Variants in CDH13 observed in about 807,000 individuals in gnomAD.
The protein encoded by CDH13 is cadherin-13.
Under a neutral mutation model 63.8 loss-of-function variants are expected in CDH13, and 24 were observed. The observed-to-expected ratio is 0.38, with a 90% confidence interval of 0.27 to 0.53. CDH13 has a LOEUF of 0.53. Ranked by LOEUF, CDH13 falls within the 20% of genes least tolerant of loss-of-function variation. CDH13 has a pLI of 0.85. For synonymous variants in CDH13, 503 were observed against 355.3 expected, an observed-to-expected ratio of 1.42 and a Z score of -4.67; for missense variants, 1,049 against 903.1, an observed-to-expected ratio of 1.16 and a Z score of -2.07.
At chr16:83,309,124 G>T (rs188761735) in intron 5 of CDH13, among the ~76,000 whole-genome samples, 3 of 152,058 alleles carry the variant, frequency 2.0e-5, no homozygotes, top group Admixed American at 2.0e-4. Flanking sequence ...TGACTTTCCT[G>T]TTTCTTCTGC....
intron 2 of CDH13, among the ~76,000 whole-genome samples, chr16:83,025,987 C>T (rs933522228): frequency 1.4e-4 from 22 of 152,178 alleles, no homozygotes; most frequent in Non-Finnish European, 2.9e-4. Flanking sequence ...AATGCTCCTT[C>T]AGCATTTCTT....
rs570183933 is a variant in CDH13 at position 83,779,332 on chromosome 16, G to A, written c.1682-636G>A. The stretch of plus-strand genomic sequence containing the variant: ...TGAGGCAGGGGAATCGCTTGAACCC[G>A]GGAGGCGGAGGTTGCAGTGAGTCGA... On this transcript the variant is annotated intron_variant, in intron 11 of 13. Transcript: ENST00000567109. Among the ~76,000 whole-genome samples, 967 of 146,232 alleles carry A rather than the reference G, an allele frequency of 6.6e-3. 5 individuals are homozygous for A. Among genetic ancestry groups the A allele is most frequent in the Non-Finnish European group, 9.1e-3 (612 of 67,260 alleles).
chr16:83,145,264 T>C (rs905798346), intron 4 of CDH13, among the ~76,000 whole-genome samples: 2 of 152,194 alleles, frequency 1.3e-5, no homozygotes, highest in Admixed American at 6.5e-5. Context: ...CCAACTCCCC[T>C]GTTGGCTGCT....
chr16:83,375,451 C>T (rs551957842), intron 6 of CDH13, among the ~76,000 whole-genome samples: 1 of 152,286 alleles, frequency 6.6e-6, no homozygotes, highest in Non-Finnish European at 1.5e-5. Flanking sequence ...ATTCTGCTGA[C>T]ATCTTATGAG....
intron 5 of CDH13, among the ~76,000 whole-genome samples, chr16:83,337,187 T>C (rs1223017091): frequency 2.0e-5 from 3 of 152,360 alleles, no homozygotes; most frequent in African/African-American, 7.2e-5. Context: ...TTGTTTTGCG[T>C]ACTGTGACTT....
chr16:83,394,080 G>T (rs1477840744), intron 6 of CDH13, among the ~76,000 whole-genome samples: 1 of 152,026 alleles, frequency 6.6e-6, no homozygotes, highest in African/African-American at 2.4e-5. Context: ...ATGAACACTG[G>T]GTCCTACTTG....
At chr16:83,342,250 A>G (rs747977631) in intron 5 of CDH13, among the ~76,000 whole-genome samples, 2 of 152,090 alleles carry the variant, frequency 1.3e-5, no homozygotes, top group African/African-American at 2.4e-5. Flanking sequence ...AACCTGTCTC[A>G]TATCCTTCAT....
intron 7 of CDH13, among the ~76,000 whole-genome samples, chr16:83,542,227 G>T (rs578216814): frequency 1.9e-4 from 29 of 152,272 alleles, no homozygotes; most frequent in African/African-American, 7.0e-4. Context: ...CTGAGCCTTG[G>T]TTGCACCTTA....
intron 6 of CDH13, among the ~76,000 whole-genome samples, chr16:83,370,581 T>A (rs1027927819): frequency 6.6e-6 from 1 of 152,176 alleles, no homozygotes; most frequent in Non-Finnish European, 1.5e-5. Flanking sequence ...ATAAGCATGG[T>A]ACCCTATAGG....
intron 7 of CDH13, among the ~76,000 whole-genome samples, chr16:83,504,002 C>A (rs1168504589): frequency 6.6e-6 from 1 of 152,200 alleles, no homozygotes; most frequent in African/African-American, 2.4e-5. Flanking sequence ...ATGCCCAATG[C>A]ATGTGGGGCT....
In CDH13 at chr16:82,639,591, A is replaced by C. The variant is rs1909137444; in HGVS notation, c.45+12454A>C. The C allele has an allele frequency of 1.4e-5, 9 of 654,284 alleles. No homozygotes were observed. In the East Asian group the frequency reaches 2.5e-4, roughly 18 times the overall value. 40.5% of individuals were successfully genotyped at this position (654,284 alleles called of 1,614,324 possible). A position where few individuals can be genotyped will look rare whatever the true frequency, so the allele number is the denominator to read the frequency against. On this transcript the variant is annotated intron_variant, in intron 1 of 13. Coordinates refer to ENST00000567109, the MANE Select transcript of CDH13 (RefSeq NM_001257.5). ...TTTGTAATTCTTTCCCCAAACAAAA[A>C]GAAAACAAGAAATATACAGTCTGTA... is the stretch of plus-strand genomic sequence containing the variant.
chr16:83,499,935 T>G (rs748193433), intron 7 of CDH13, among the ~76,000 whole-genome samples: 4 of 152,184 alleles, frequency 2.6e-5, no homozygotes, highest in Non-Finnish European at 4.4e-5. Context: ...CCCAAGTAGC[T>G]GGGATTACAG....
chr16:82,787,767 G>C (rs2036088024), intron 1 of CDH13, among the ~76,000 whole-genome samples: 1 of 143,848 alleles, frequency 7.0e-6, no homozygotes, highest in African/African-American at 2.6e-5. Flanking sequence ...TAACAATTTT[G>C]TTTGTTTTTT....
At chr16:82,738,426 A>T (rs1407940846) in intron 1 of CDH13, among the ~76,000 whole-genome samples, 1 of 152,048 alleles carries the variant, frequency 6.6e-6, no homozygotes, top group Admixed American at 6.6e-5. Flanking sequence ...CTCACCTGAA[A>T]TCTCTCTCAT....
chr16:83,707,682 T>C (rs1440312006), intron 10 of CDH13, among the ~76,000 whole-genome samples: 1 of 151,910 alleles, frequency 6.6e-6, no homozygotes, highest in Non-Finnish European at 1.5e-5. Flanking sequence ...ATCCCTGACA[T>C]GCCGCACTGT....
At chr16:82,658,687 C>A (rs918972040) in intron 1 of CDH13, among the ~76,000 whole-genome samples, 1 of 152,192 alleles carries the variant, frequency 6.6e-6, no homozygotes, top group Non-Finnish European at 1.5e-5. Flanking sequence ...AAGAACTTAG[C>A]ACCCCACTCA....
At chr16:82,896,513 C>T (rs186218445) in intron 2 of CDH13, among the ~76,000 whole-genome samples, 99 of 151,538 alleles carry the variant, frequency 6.5e-4, no homozygotes, top group Admixed American at 1.2e-3. Flanking sequence ...TCAGGCTGGT[C>T]TCAAACTCCT....
At chr16:83,110,998 G>A (rs1448844281) in intron 3 of CDH13, among the ~76,000 whole-genome samples, 2 of 24,036 alleles carry the variant, frequency 8.3e-5, no homozygotes, top group East Asian at 4.6e-3. Context: ...GTATTAGGTT[G>A]TTGCAAAAAA....
chr16:82,747,022 G>A (rs1449825360), intron 1 of CDH13, among the ~76,000 whole-genome samples: 2 of 152,168 alleles, frequency 1.3e-5, no homozygotes, highest in African/African-American at 4.8e-5. Flanking sequence ...GATTGTCTTA[G>A]TCCTCTTCTA....
Sources: gnomAD v4.1 joint callset for allele counts (sites outside exome capture counted in the v4.1 genomes callset) on GRCh38, gnomAD v4.1.1 for gene constraint, MANE v1.5 for transcripts, NCBI Gene and HGNC (gene_info 2026-07-23, HGNC 2026-07-21) for gene names.